The following PDS5B variants were observed in gnomAD, a reference collection of about 807,000 sequenced individuals.
PDS5B encodes the protein sister chromatid cohesion protein PDS5 homolog B.
Under a neutral mutation model 184.1 loss-of-function variants are expected in PDS5B, and 51 were observed. The observed-to-expected ratio is 0.28, with a 90% confidence interval of 0.22 to 0.35. PDS5B has a LOEUF of 0.35. PDS5B is among the 10% of genes least tolerant of loss of function. PDS5B has a pLI of 1.00. For missense variants in PDS5B, 1,180 were observed against 1,723.3 expected (o/e 0.68, Z 5.58); for synonymous variants, 566 against 569.2 (o/e 0.99, Z 0.08).
intron 14 of PDS5B, 122 bp downstream of exon 14, chr13:32,694,426 G>A: frequency 2.9e-6 from 2 of 689,616 alleles, no homozygotes; most frequent in Non-Finnish European, 2.5e-6. Context: ...GTAGAAGTTA[G>A]GATTCCTTGT....
chr13:32,655,374 A>ATTTTT (rs1228814649), intron 3 of PDS5B, among the ~76,000 whole-genome samples: 2 of 72,466 alleles, frequency 2.8e-5, no homozygotes, highest in African/African-American at 1.7e-4. Context: ...ATATATATAT[A>ATTTTT]TTTTTTTTTT....
chr13:32,615,343 T>C (rs1378510173), intron 1 of PDS5B, among the ~76,000 whole-genome samples: 1 of 152,206 alleles, frequency 6.6e-6, no homozygotes, highest in African/African-American at 2.4e-5. Context: ...CAGATAGTTT[T>C]TCATCAATTG....
chr13:32,641,670 A>G (rs1294990886), intron 1 of PDS5B, among the ~76,000 whole-genome samples: 1 of 152,050 alleles, frequency 6.6e-6, no homozygotes, highest in East Asian at 1.9e-4. Flanking sequence ...GTGGGCTCCC[A>G]CCACCCCAAT....
chr13:32,609,796 T>C (rs1593256950), intron 1 of PDS5B, among the ~76,000 whole-genome samples: 1 of 152,104 alleles, frequency 6.6e-6, no homozygotes, highest in African/African-American at 2.4e-5. Flanking sequence ...CAGTCTCAGC[T>C]TACAGTAATG....
chr13:32,730,688 A>G (rs1384707000), intron 19 of PDS5B, among the ~76,000 whole-genome samples: 2 of 151,808 alleles, frequency 1.3e-5, no homozygotes, highest in African/African-American at 4.8e-5. Context: ...ATTCCTAGGT[A>G]TTTTATTTTC....
chr13:32,731,105 T>C (rs1222554306), intron 19 of PDS5B, among the ~76,000 whole-genome samples: 1 of 152,162 alleles, frequency 6.6e-6, no homozygotes, highest in Non-Finnish European at 1.5e-5. Context: ...GTCTTGCCTG[T>C]TTTTCTGTGT....
Position 32,709,926 on chromosome 13 carries a change from T to A in PDS5B, c.1963-20T>A, listed in dbSNP as rs1952152531. 2.3e-6 allele frequency: 3 copies of A among 1,310,474 alleles called. No homozygotes were observed. The highest frequency in any genetic ancestry group is 3.0e-6 in the Non-Finnish European group (3 of 998,138). 81.2% of individuals were successfully genotyped at this position (1,310,474 alleles called of 1,614,324 possible). ...AAGATGAAAAAGTTTTACAAATCAT[T>A]TTTATGATTCATTTTATAGGTACTC... On this transcript the variant is annotated intron_variant, in intron 18 of 34. Coordinates refer to ENST00000315596, the MANE Select transcript of PDS5B (RefSeq NM_015032.4).
At chr13:32,723,263 A>G (rs1952780549) in intron 19 of PDS5B, among the ~76,000 whole-genome samples, 3 of 152,234 alleles carry the variant, frequency 2.0e-5, no homozygotes, top group South Asian at 4.1e-4. Flanking sequence ...TGTCTGTATA[A>G]TAATATGTCT....
chr13:32,735,717 A>G (rs891269685), intron 21 of PDS5B, among the ~76,000 whole-genome samples: 5 of 152,170 alleles, frequency 3.3e-5, no homozygotes, highest in Non-Finnish European at 5.9e-5. Flanking sequence ...TCTTTTCCCT[A>G]CATTGGGAGA....
chr13:32,605,519 G>A (rs904760310), intron 1 of PDS5B, among the ~76,000 whole-genome samples: 3 of 152,202 alleles, frequency 2.0e-5, no homozygotes, highest in Admixed American at 6.5e-5. Context: ...GAATAAGTGC[G>A]ATGTGGTGCT....
At chr13:32,626,087 G>C (rs2058367324) in intron 1 of PDS5B, among the ~76,000 whole-genome samples, 1 of 152,098 alleles carries the variant, frequency 6.6e-6, no homozygotes, top group South Asian at 2.1e-4. Context: ...TGATCTATCT[G>C]CCTCGGCCTC....
intron 1 of PDS5B, among the ~76,000 whole-genome samples, chr13:32,634,504 CTT>C (rs1048799267): frequency 2.0e-5 from 3 of 151,160 alleles, no homozygotes; most frequent in African/African-American, 7.3e-5. Context: ...TGGTAAAAGT[CTT>C]TGTGTGGATA....
At chr13:32,624,955 G>T (rs570740883) in intron 1 of PDS5B, among the ~76,000 whole-genome samples, 2 of 151,980 alleles carry the variant, frequency 1.3e-5, no homozygotes, top group African/African-American at 4.8e-5. Flanking sequence ...GTTGGGTGTC[G>T]GTAGGTTCTG....
intron 19 of PDS5B, among the ~76,000 whole-genome samples, chr13:32,726,511 C>G (rs1225340810): frequency 1.3e-5 from 2 of 152,134 alleles, no homozygotes; most frequent in Non-Finnish European, 2.9e-5. Flanking sequence ...GTGTTCCTAT[C>G]CATAATGGTT....
At chr13:32,694,784 G>A (rs1951654928) in intron 14 of PDS5B, among the ~76,000 whole-genome samples, 1 of 150,338 alleles carries the variant, frequency 6.7e-6, no homozygotes, top group African/African-American at 2.4e-5. Flanking sequence ...TGTAATGATG[G>A]TATTCATCCA....
At position 32,688,549 on chromosome 13, in the gene PDS5B, A is replaced by G. The variant is rs1951459513; in HGVS notation, c.1449A>G (p.Thr483=). Residue 483 remains threonine (T), a synonymous_variant, in exon 13 of 35, where the codon ACA becomes ACG. Transcript: ENST00000315596. ...RMKCLYYLYA[T]LDLNAVKALN... ...AATGCTTATATTACTTGTATGCCACACTGGATTTAAATGCTGTGAAGTATG... is the reference window on the plus strand; with the variant it reads ...AATGCTTATATTACTTGTATGCCACGCTGGATTTAAATGCTGTGAAGTATG... The G allele has an allele frequency of 1.9e-6, 3 of 1,579,420 alleles. No individual in the cohort carries two copies. Among genetic ancestry groups the G allele is most frequent in the Non-Finnish European group, 2.6e-6 (3 of 1,148,774 alleles).
intron 24 of PDS5B, among the ~76,000 whole-genome samples, chr13:32,749,498 TTAA>T (rs1212598148): frequency 1.7e-5 from 1 of 60,478 alleles, no homozygotes; most frequent in Non-Finnish European, 4.9e-5. Context: ...TTAACATAAT[TTAA>T]TAATTACTTA....
intron 1 of PDS5B, among the ~76,000 whole-genome samples, chr13:32,642,314 A>C (rs989692697): frequency 6.6e-6 from 1 of 152,190 alleles, no homozygotes; most frequent in Non-Finnish European, 1.5e-5. Context: ...TAGCAGATAG[A>C]TGCTAGCATA....
intron 1 of PDS5B, among the ~76,000 whole-genome samples, chr13:32,647,720 TA>T: frequency 6.6e-6 from 1 of 152,176 alleles, no homozygotes; most frequent in African/African-American, 2.4e-5. Context: ...TTCCTGTAGA[TA>T]TTTTTGGAAT....
Sources: allele counts gnomAD v4.1 joint callset (sites outside exome capture counted in the v4.1 genomes callset), GRCh38; gene constraint gnomAD v4.1.1; transcripts MANE v1.5; gene names NCBI Gene and HGNC (gene_info 2026-07-23, HGNC 2026-07-21).